Variants in TENM2 observed in about 807,000 individuals in gnomAD.
TENM2 encodes teneurin transmembrane protein 2, also known as teneurin-2.
Under a neutral mutation model 245.2 loss-of-function variants are expected in TENM2, and 52 were observed. The observed-to-expected ratio is 0.21, with a 90% CI of 0.17 to 0.27. The LOEUF is 0.27. Ranked by LOEUF, TENM2 falls within the 10% of genes least tolerant of loss-of-function variation. The pLI is 1.00. For missense variants in TENM2, 3,046 were observed against 3,666.8 expected (o/e 0.83, Z 4.37); for synonymous variants, 1,363 against 1,438.9 (o/e 0.95, Z 1.19).
the TENM2 span, among the ~76,000 whole-genome samples, chr5:167,219,225 A>G: frequency 6.6e-6 from 1 of 152,134 alleles, no homozygotes; most frequent in African/African-American, 2.4e-5. Flanking sequence ...ACTTGAGCCC[A>G]GGAGTCCCAG....
chr5:168,221,927 T>C lies in TENM2; in HGVS notation c.5108+2928T>C, dbSNP rs535863845. Among the ~76,000 whole-genome samples, 5 of 152,338 alleles carry C rather than the reference T, an allele frequency of 3.3e-5. No individual in the cohort carries two copies. In the South Asian group the frequency reaches 1.0e-3, roughly 32 times the overall value. On this transcript the variant is annotated intron_variant, in intron 23 of 28. Transcript: ENST00000518659. ...CCTCTCTGAGCCTCAATGTCTCATC[T>C]GTTACATGGGGATAAAAATGCAAAT...
At chr5:167,514,398 G>A (rs1770174170) in intron 2 of TENM2, among the ~76,000 whole-genome samples, 1 of 152,100 alleles carries the variant, frequency 6.6e-6, no homozygotes, top group South Asian at 2.1e-4. Flanking sequence ...TTAATTTCAG[G>A]ACATGGCTAT....
intron 27 of TENM2, 63 bp from the exon 30 acceptor site, chr5:168,260,220 G>A: frequency 1.9e-6 from 3 of 1,587,236 alleles, no homozygotes; most frequent in Non-Finnish European, 2.6e-6. Context: ...CTCTCTTTAA[G>A]CTCTGCTGCT....
intron 2 of TENM2, among the ~76,000 whole-genome samples, chr5:167,635,797 A>G (rs1275095277): frequency 6.6e-6 from 1 of 151,526 alleles, no homozygotes; most frequent in Admixed American, 6.6e-5. Context: ...GGCGCCTGCC[A>G]CCACGCCCAG....
the TENM2 span, among the ~76,000 whole-genome samples, chr5:167,112,897 A>G: frequency 6.6e-6 from 1 of 152,202 alleles, no homozygotes; most frequent in African/African-American, 2.4e-5. Flanking sequence ...CATCATGACA[A>G]TGGCCTCTTT....
the TENM2 span, among the ~76,000 whole-genome samples, chr5:167,265,049 C>T: frequency 1.3e-5 from 2 of 151,812 alleles, no homozygotes; most frequent in African/African-American, 4.8e-5. Flanking sequence ...GAAAGGTGGC[C>T]GGGAGCGATG....
intron 6 of TENM2, among the ~76,000 whole-genome samples, chr5:168,050,567 C>G (rs1380430436): frequency 6.6e-5 from 10 of 152,218 alleles, no homozygotes; most frequent in Non-Finnish European, 1.5e-4. Flanking sequence ...TCTCATTAAG[C>G]AATTACTGGA....
At chr5:167,904,476 G>C (rs1254751170) in intron 3 of TENM2, among the ~76,000 whole-genome samples, 2 of 152,038 alleles carry the variant, frequency 1.3e-5, no homozygotes, top group Non-Finnish European at 2.9e-5. Context: ...TATAAATGAA[G>C]CTATTAATAT....
At chr5:167,366,039 ATAAAC>A (rs773216726) in intron 1 of TENM2, among the ~76,000 whole-genome samples, 1 of 152,066 alleles carries the variant, frequency 6.6e-6, no homozygotes, top group Non-Finnish European at 1.5e-5. Flanking sequence ...GTAGAAATTG[ATAAAC>A]TAAAAACATA....
At chr5:168,109,530 T>G (rs1055042161) in intron 9 of TENM2, among the ~76,000 whole-genome samples, 11 of 152,244 alleles carry the variant, frequency 7.2e-5, no homozygotes, top group African/African-American at 2.7e-4. Context: ...ATACCCACAC[T>G]GGAGCCCTTG....
chr5:167,199,436 C>T, the TENM2 span, among the ~76,000 whole-genome samples: 1 of 152,094 alleles, frequency 6.6e-6, no homozygotes, highest in African/African-American at 2.4e-5. Context: ...TTACCAGGAT[C>T]CACTGAGTCT....
intron 2 of TENM2, among the ~76,000 whole-genome samples, chr5:167,431,961 G>GTGTA (rs982005904): frequency 2.3e-5 from 1 of 43,600 alleles, no homozygotes; most frequent in African/African-American, 5.1e-5. Context: ...ATATATATAT[G>GTGTA]TATATATATA....
At chr5:168,025,452 T>A (rs972463634) in intron 5 of TENM2, among the ~76,000 whole-genome samples, 2 of 152,232 alleles carry the variant, frequency 1.3e-5, no homozygotes. Flanking sequence ...TAGTGTTGGG[T>A]AATTGTTCTC....
At chr5:167,766,488 T>TTTACATCCATTCAAATGGCTA (rs1323062006) in intron 2 of TENM2, among the ~76,000 whole-genome samples, 3 of 152,194 alleles carry the variant, frequency 2.0e-5, no homozygotes, top group East Asian at 3.8e-4. Context: ...AAAGTATATT[T>TTTACATCCATTCAAATGGCTA]TTACATCCAT....
At chr5:168,047,958 C>G (rs1267540212) in intron 6 of TENM2, among the ~76,000 whole-genome samples, 1 of 152,172 alleles carries the variant, frequency 6.6e-6, no homozygotes, top group Non-Finnish European at 1.5e-5. Flanking sequence ...GCAGCACATG[C>G]CATCAGACTG....
At chr5:167,561,747 T>C (rs1163705160) in intron 2 of TENM2, among the ~76,000 whole-genome samples, 1 of 152,200 alleles carries the variant, frequency 6.6e-6, no homozygotes, top group Non-Finnish European at 1.5e-5. Context: ...TAAGAGTAAC[T>C]TTTTTCTGCA....
intron 5 of TENM2, among the ~76,000 whole-genome samples, chr5:168,025,343 G>A (rs1317296319): frequency 6.6e-6 from 1 of 152,220 alleles, no homozygotes; most frequent in Non-Finnish European, 1.5e-5. Flanking sequence ...TAAAAGTTTT[G>A]AGAATGGTTA....
chr5:167,238,628 A>G, the TENM2 span, among the ~76,000 whole-genome samples: 1 of 151,966 alleles, frequency 6.6e-6, no homozygotes, highest in East Asian at 1.9e-4. Flanking sequence ...TGTGCTTTTA[A>G]ACATATGCAT....
chr5:167,624,843 G>A (rs901044537), intron 2 of TENM2, among the ~76,000 whole-genome samples: 2 of 152,130 alleles, frequency 1.3e-5, no homozygotes, highest in Non-Finnish European at 1.5e-5. Flanking sequence ...TCTATAATAT[G>A]TTTAGTAAAC....
Sources: gnomAD v4.1 joint callset for allele counts (sites outside exome capture counted in the v4.1 genomes callset) on GRCh38, gnomAD v4.1.1 for gene constraint, MANE v1.5 for transcripts, NCBI Gene and HGNC (gene_info 2026-07-23, HGNC 2026-07-21) for gene names.